The following DLGAP2 variants were observed in gnomAD, a reference collection of about 807,000 sequenced individuals.
DLGAP2 encodes disks large-associated protein 2.
A neutral mutation model predicts 100.3 loss-of-function variants in DLGAP2; 26 were observed. That is an observed-to-expected ratio of 0.26 (90% CI 0.19 to 0.36). DLGAP2 has a LOEUF of 0.36. Ranked by LOEUF, DLGAP2 falls within the 10% of genes least tolerant of loss-of-function variation. DLGAP2 has a pLI of 1.00. For synonymous variants in DLGAP2, 886 were observed against 630.1 expected (o/e 1.41, Z -6.08); for missense variants, 1,858 against 1,453.2 (o/e 1.28, Z -4.53).
intron 3 of DLGAP2, among the ~76,000 whole-genome samples, chr8:1,275,844 T>C (rs1281720266): frequency 1.4e-4 from 16 of 118,274 alleles, no homozygotes; most frequent in African/African-American, 5.4e-4. Context: ...ATATAATATA[T>C]AAATATATAT....
intron 2 of DLGAP2, among the ~76,000 whole-genome samples, chr8:1,187,085 A>G (rs1298280634): frequency 2.6e-5 from 4 of 151,446 alleles, no homozygotes; most frequent in African/African-American, 7.2e-5. Flanking sequence ...AGCTGCTTGG[A>G]GATGCATCAA....
chr8:1,536,615 G>C (rs1801161814), intron 4 of DLGAP2, among the ~76,000 whole-genome samples: 1 of 152,150 alleles, frequency 6.6e-6, no homozygotes, highest in Non-Finnish European at 1.5e-5. Flanking sequence ...CCTGCATCCT[G>C]ACTGTCCCCG....
chr8:1,581,832 G>C (rs573446102), intron 6 of DLGAP2, among the ~76,000 whole-genome samples: 5 of 147,484 alleles, frequency 3.4e-5, no homozygotes, highest in Admixed American at 2.7e-4. Context: ...CAAACTACCA[G>C]AAGTGAAGGA....
At chr8:1,163,829 A>T (rs1268988244) in intron 2 of DLGAP2, among the ~76,000 whole-genome samples, 1 of 152,128 alleles carries the variant, frequency 6.6e-6, no homozygotes, top group Admixed American at 6.5e-5. Flanking sequence ...GTGCTTGGGT[A>T]CGGAGGCTCA....
intron 2 of DLGAP2, among the ~76,000 whole-genome samples, chr8:1,116,842 T>C (rs975260002): frequency 3.9e-5 from 6 of 152,110 alleles, no homozygotes; most frequent in African/African-American, 1.4e-4. Context: ...TTACTGTATC[T>C]GGAACACGAA....
rs747770427 is a variant in DLGAP2, at chr8:799,181, C to T, written c.18+61356C>T. On this transcript the variant is annotated intron_variant, in intron 1 of 14. Coordinates refer to ENST00000637795, the MANE Select transcript of DLGAP2 (RefSeq NM_001346810.2). ...TCTTTGGGAGGCCGACACCCCAGGC[C>T]TTCTCTCTGGGTTTCAGCTCAGCCT... is the stretch of plus-strand genomic sequence containing the variant. Among the ~76,000 whole-genome samples the T allele has an allele frequency of 3.3e-5, 5 of 152,304 alleles. 1 individual carries two copies. Among genetic ancestry groups the T allele is most frequent in the Middle Eastern group, 3.4e-3 (1 of 294 alleles).
chr8:1,646,551 G>C (rs892298267), intron 8 of DLGAP2, among the ~76,000 whole-genome samples: 3 of 152,154 alleles, frequency 2.0e-5, no homozygotes, highest in Non-Finnish European at 2.9e-5. Flanking sequence ...AAAATGATCA[G>C]AGAATTTACT....
intron 2 of DLGAP2, among the ~76,000 whole-genome samples, chr8:1,049,908 G>T (rs1015867801): frequency 1.4e-4 from 22 of 152,198 alleles, no homozygotes; most frequent in Admixed American, 5.9e-4. Flanking sequence ...ACATGTGCAG[G>T]CAGGCAGACA....
chr8:1,156,625 C>A (rs1208041011), intron 2 of DLGAP2, among the ~76,000 whole-genome samples: 4 of 151,816 alleles, frequency 2.6e-5, no homozygotes, highest in African/African-American at 9.7e-5. Context: ...CCCAGCGCCC[C>A]AGCCCAGCGC....
intron 2 of DLGAP2, among the ~76,000 whole-genome samples, chr8:1,011,999 C>T (rs906885824): frequency 6.6e-6 from 1 of 152,206 alleles, no homozygotes; most frequent in Non-Finnish European, 1.5e-5. Context: ...CTGAGTGGCT[C>T]AAGTCCAGGG....
At chr8:1,048,025 T>A (rs1446550083) in intron 2 of DLGAP2, among the ~76,000 whole-genome samples, 1 of 152,168 alleles carries the variant, frequency 6.6e-6, no homozygotes, top group Non-Finnish European at 1.5e-5. Flanking sequence ...GACACTGTGG[T>A]ATTTGACCCG....
intron 2 of DLGAP2, among the ~76,000 whole-genome samples, chr8:1,096,983 G>A (rs111830895): frequency 7.9e-4 from 116 of 147,444 alleles, no homozygotes; most frequent in African/African-American, 2.7e-3. Flanking sequence ...CCCCTCCAGC[G>A]TGAGACCCAC....
intron 3 of DLGAP2, among the ~76,000 whole-genome samples, chr8:1,305,842 G>A (rs1800477243): frequency 6.6e-6 from 1 of 152,166 alleles, no homozygotes; most frequent in Admixed American, 6.5e-5. Flanking sequence ...TTCTTCCTGT[G>A]AGGTCAGGAA....
At chr8:1,602,308 T>C (rs1306248023) in intron 6 of DLGAP2, among the ~76,000 whole-genome samples, 1 of 152,260 alleles carries the variant, frequency 6.6e-6, no homozygotes, top group Non-Finnish European at 1.5e-5. Flanking sequence ...TTGCTGTTTC[T>C]AATTAATGGT....
intron 3 of DLGAP2, among the ~76,000 whole-genome samples, chr8:1,343,833 A>C (rs1332002877): frequency 6.6e-6 from 1 of 152,070 alleles, no homozygotes; most frequent in East Asian, 1.9e-4. Flanking sequence ...TCCACCCGTG[A>C]CAGAGCAGAT....
intron 3 of DLGAP2, among the ~76,000 whole-genome samples, chr8:1,263,306 A>T (rs1045260776): frequency 3.3e-5 from 5 of 152,214 alleles, no homozygotes; most frequent in Admixed American, 3.3e-4. Flanking sequence ...AGTTTAAGGT[A>T]AGAGATTTTC....
At chr8:1,105,743 T>C (rs1200394123) in intron 2 of DLGAP2, among the ~76,000 whole-genome samples, 1 of 149,458 alleles carries the variant, frequency 6.7e-6, no homozygotes, top group Non-Finnish European at 1.5e-5. Context: ...GGGGCCATTC[T>C]AGGAGGGTTT....
At chr8:1,349,086 G>T (rs1419817760) in intron 3 of DLGAP2, among the ~76,000 whole-genome samples, 7 of 151,742 alleles carry the variant, frequency 4.6e-5, no homozygotes, top group African/African-American at 1.7e-4. Flanking sequence ...TCAGCAGTGT[G>T]CTGCTCAGAG....
At chr8:1,005,544 G>C (rs1801083624) in intron 2 of DLGAP2, among the ~76,000 whole-genome samples, 2 of 151,682 alleles carry the variant, frequency 1.3e-5, no homozygotes, top group South Asian at 4.2e-4. Flanking sequence ...AGATAGCTGG[G>C]ACTACAGGTG....
Sources: gnomAD v4.1 joint callset for allele counts (sites outside exome capture counted in the v4.1 genomes callset) on GRCh38, gnomAD v4.1.1 for gene constraint, MANE v1.5 for transcripts, NCBI Gene and HGNC (gene_info 2026-07-23, HGNC 2026-07-21) for gene names.